KIF5B: variants seen among roughly 807,000 people sequenced by gnomAD.
KIF5B encodes the protein kinesin-1 heavy chain.
KIF5B carries 49 observed loss-of-function variants against 132.8 expected under a neutral mutation model. That is an observed-to-expected ratio of 0.37 (90% CI 0.29 to 0.47). KIF5B has a LOEUF of 0.47. Among genes scored for constraint, KIF5B ranks in the 20% least tolerant of loss-of-function variants. The probability of loss-of-function intolerance (pLI) is 1.00; values close to 1 mark genes in which losing one functional copy is unlikely to be tolerated. For synonymous variants in KIF5B, 355 were observed against 369.4 expected, an observed-to-expected ratio of 0.96 and a Z score of 0.45; for missense variants, 780 against 1,144.0, an observed-to-expected ratio of 0.68 and a Z score of 4.59.
chr10:32,017,098 A>G, intron 24 of KIF5B, 45 bp downstream of exon 24: 3 of 1,476,372 alleles, frequency 2.0e-6, no homozygotes, highest in Non-Finnish European at 2.8e-6. Flanking sequence ...AAATGAAAGC[A>G]TTCAAATTGA....
chr10:32,054,424 G>A (rs1459217552), intron 1 of KIF5B, among the ~76,000 whole-genome samples: 2 of 152,178 alleles, frequency 1.3e-5, no homozygotes, highest in Non-Finnish European at 2.9e-5. Context: ...ATTGTTAGTG[G>A]CCTAATGACT....
At chr10:32,038,733 A>G (rs1841493544) in intron 5 of KIF5B, 45 bp downstream of exon 5, 2 of 1,038,904 alleles carry the variant, frequency 1.9e-6, no homozygotes, top group African/African-American at 3.2e-5. Flanking sequence ...TTAAAAAGGA[A>G]TTAACAGATG....
Position 32,016,005 on chromosome 10 carries a change from G to A in KIF5B, c.2762-346C>T, listed in dbSNP as rs191555738. Among the ~76,000 whole-genome samples, 48 of 152,156 alleles carry A rather than the reference G, an allele frequency of 3.2e-4. No individual in the cohort carries two copies. The East Asian group carries it at 8.9e-3, about 28-fold the overall frequency. ...CAGAATATAAAAAAATTAGCTAGGT[G>A]TGGTGGCGTGCACCTGTAGTCCCAG... On this transcript the variant is annotated intron_variant, in intron 24 of 25. Coordinates refer to ENST00000302418, the MANE Select transcript of KIF5B (RefSeq NM_004521.3).
At chr10:32,032,940 A>T (rs1346016337) in intron 12 of KIF5B, among the ~76,000 whole-genome samples, 166 bp from the exon 13 acceptor site, 1 of 152,202 alleles carries the variant, frequency 6.6e-6, no homozygotes, top group Non-Finnish European at 1.5e-5. Context: ...AAACAAAAGG[A>T]ATTTCTTTCA....
chr10:32,056,184 T>C lies in KIF5B; in HGVS notation c.-211A>G. ...CGTTAACCCTAATGCTCACTTCCGA[T>C]CCATCATGGCAGCCATGGCGGCGGC... On this transcript the variant is annotated 5_prime_UTR_variant, in exon 1 of 26. Coordinates refer to ENST00000302418, the MANE Select transcript of KIF5B (RefSeq NM_004521.3). The C allele has an allele frequency of 1.8e-6, 1 of 548,158 alleles. No homozygotes were observed. The highest frequency in any genetic ancestry group is 2.2e-5 in the South Asian group (1 of 44,458). 34.0% of individuals were successfully genotyped at this position (548,158 alleles called of 1,614,324 possible).
At chr10:32,032,116 C>T (rs1296891211) in intron 13 of KIF5B, among the ~76,000 whole-genome samples, 6 of 151,764 alleles carry the variant, frequency 4.0e-5, no homozygotes, top group Admixed American at 2.6e-4. Context: ...TAGGGATATC[C>T]GGAAATCTGT....
chr10:32,039,370 T>C lies in KIF5B; in HGVS notation c.350A>G (p.Asn117Ser), dbSNP rs766831376. The C allele has an allele frequency of 2.7e-6, 4 of 1,507,500 alleles. No homozygotes were observed. In the East Asian group the frequency reaches 7.0e-5, roughly 26 times the overall value. 93.4% of individuals were successfully genotyped at this position (1,507,500 alleles called of 1,614,324 possible). ...ATTTTCATCCATGGAGTAAATATAA[T>C]TAAAAATATCTTGCACTATTCTTGG... is the stretch of plus-strand genomic sequence containing the variant. ...IIPRIVQDIF[N>S]YIYSMDENLE... The change falls in exon 4 of 26, where the codon AAT (asparagine) becomes AGT (serine). Residue 117 changes from asparagine to serine, a missense_variant. This residue lies in a region of KIF5B where 76 missense variants were observed against 146.4 expected (regional missense o/e 0.52). Coordinates refer to ENST00000302418, the MANE Select transcript of KIF5B (RefSeq NM_004521.3).
At chr10:32,048,128 C>G (rs1433934528) in intron 2 of KIF5B, among the ~76,000 whole-genome samples, 2 of 152,064 alleles carry the variant, frequency 1.3e-5, no homozygotes, top group African/African-American at 4.8e-5. Context: ...TGTGTCTAGC[C>G]CTTTTGTTTT....
intron 1 of KIF5B, among the ~76,000 whole-genome samples, chr10:32,053,959 C>A (rs867916357): frequency 1.1e-4 from 16 of 152,212 alleles, no homozygotes; most frequent in African/African-American, 3.4e-4. Context: ...TGTTCATTTT[C>A]CTTTAGTTCT....
At chr10:32,013,822 A>T (rs1841117918) in intron 25 of KIF5B, among the ~76,000 whole-genome samples, 1 of 152,222 alleles carries the variant, frequency 6.6e-6, no homozygotes, top group South Asian at 2.1e-4. Context: ...TCATAAAAGT[A>T]GTCAGGATTC....
intron 4 of KIF5B, 61 bp from the exon 5 acceptor site, chr10:32,038,887 G>A: frequency 9.8e-7 from 1 of 1,017,000 alleles, no homozygotes; most frequent in South Asian, 1.4e-5. Flanking sequence ...TTCGCATATT[G>A]AGGTCTGAGT....
At chr10:32,012,521 AT>A (rs1021690531) in intron 25 of KIF5B, among the ~76,000 whole-genome samples, 18 of 152,212 alleles carry the variant, frequency 1.2e-4, no homozygotes, top group African/African-American at 4.3e-4. Context: ...TTTAAGATAG[AT>A]TATAAGAGTT....
chr10:32,026,352 G>A (rs1841332985), intron 15 of KIF5B, among the ~76,000 whole-genome samples: 1 of 142,904 alleles, frequency 7.0e-6, no homozygotes, highest in South Asian at 2.3e-4. Flanking sequence ...GTGGGAGAAT[G>A]GCATGAACCC....
rs553465768 is a variant in KIF5B at position 32,009,436 on chromosome 10, T to C, written c.*2101A>G. 1 of 152,302 alleles carries C rather than the reference T, an allele frequency of 6.6e-6. No individual in the cohort carries two copies. Among genetic ancestry groups the C allele is most frequent in the African/African-American group, 2.4e-5 (1 of 41,578 alleles). 9.4% of individuals were successfully genotyped at this position (152,302 alleles called of 1,614,324 possible). A position where few individuals can be genotyped will look rare whatever the true frequency, so the allele number is the denominator to read the frequency against. On this transcript the variant is annotated 3_prime_UTR_variant, in exon 26 of 26. Coordinates refer to ENST00000302418, the MANE Select transcript of KIF5B (RefSeq NM_004521.3). The stretch of plus-strand genomic sequence containing the variant: ...AGAGTAAGTGCTGTGTTTAATGACC[T>C]ACCATAGCAAAAAGCAGTTCACTGA...
Position 32,009,938 on chromosome 10 carries a change from T to C in KIF5B, c.*1599A>G, listed in dbSNP as rs1254975214. ...TACAACAGCAAAGATTTTTGACTATTAAAAAAATAAATAAATAAATTTATA... is the reference window on the plus strand; with the variant it reads ...TACAACAGCAAAGATTTTTGACTATCAAAAAAATAAATAAATAAATTTATA... On this transcript the variant is annotated 3_prime_UTR_variant, in exon 26 of 26. Coordinates refer to ENST00000302418, the MANE Select transcript of KIF5B (RefSeq NM_004521.3). 6.6e-6 allele frequency: 1 copy of C among 151,904 alleles called. No homozygotes were observed. The highest frequency in any genetic ancestry group is 1.5e-5 in the Non-Finnish European group (1 of 67,952). The allele number at this position is 151,904 out of a possible 1,614,324, so 9.4% of individuals were successfully genotyped here. A position where few individuals can be genotyped will look rare whatever the true frequency, so the allele number is the denominator to read the frequency against.
chr10:32,026,287 A>C (rs977302283), intron 15 of KIF5B, among the ~76,000 whole-genome samples: 2 of 151,858 alleles, frequency 1.3e-5, no homozygotes, highest in East Asian at 3.9e-4. Flanking sequence ...ACAAAAACAA[A>C]ATTATCCAGG....
chr10:32,043,295 G>A (rs773767629), intron 2 of KIF5B, among the ~76,000 whole-genome samples: 4 of 152,146 alleles, frequency 2.6e-5, no homozygotes, highest in East Asian at 3.9e-4. Flanking sequence ...GAGCCACTGC[G>A]CCCAGCCCGC....
At chr10:32,012,395 G>A (rs1841096092) in intron 25 of KIF5B, among the ~76,000 whole-genome samples, 1 of 152,128 alleles carries the variant, frequency 6.6e-6, no homozygotes, top group Non-Finnish European at 1.5e-5. Flanking sequence ...AGAACTGCTT[G>A]AACCCGGGAA....
intron 17 of KIF5B, 152 bp from the exon 18 acceptor site, chr10:32,021,439 C>T: frequency 1.6e-6 from 1 of 628,502 alleles, no homozygotes; most frequent in East Asian, 2.7e-5. Context: ...AGTTCAATGA[C>T]ATGTAGACTA....
Sources: gnomAD v4.1 joint callset for allele counts (sites outside exome capture counted in the v4.1 genomes callset) on GRCh38, gnomAD v4.1.1 for gene constraint, gnomAD v4.1.1 regional missense constraint, MANE v1.5 for transcripts, NCBI Gene and HGNC (gene_info 2026-07-23, HGNC 2026-07-21) for gene names.